The following SGCZ variants were observed in gnomAD, a reference collection of about 807,000 sequenced individuals.
SGCZ encodes zeta-sarcoglycan.
Under a neutral mutation model 41.3 loss-of-function variants are expected in SGCZ, and 40 were observed. The ratio of observed to expected loss-of-function variants is 0.97; its 90% confidence interval spans 0.75 to 1.26. The LOEUF (loss-of-function observed/expected upper bound fraction) is 1.26, where lower values mean the gene tolerates loss of function less well. Among genes scored for constraint, SGCZ ranks in the 50% most tolerant of loss-of-function variants. SGCZ has a pLI of 0.00. For synonymous variants in SGCZ, 206 were observed against 137.5 expected, an observed-to-expected ratio of 1.50 and a Z score of -3.49; for missense variants, 552 against 369.8, an observed-to-expected ratio of 1.49 and a Z score of -4.04.
At chr8:14,517,799 T>G (rs187250736) in intron 2 of SGCZ, among the ~76,000 whole-genome samples, 5 of 151,984 alleles carry the variant, frequency 3.3e-5, no homozygotes, top group Admixed American at 2.6e-4. Context: ...TAGCTTTTTT[T>G]GAAAAGTCAT....
At chr8:14,763,543 G>A (rs971383) in intron 1 of SGCZ, among the ~76,000 whole-genome samples, 34,911 of 151,862 alleles carry the variant, frequency 0.23, 5,741 homozygotes, top group African/African-American at 0.47. Flanking sequence ...CTTTATTATC[G>A]AAAGTGTCTT....
chr8:14,500,767 G>C (rs924307000), intron 2 of SGCZ, among the ~76,000 whole-genome samples: 19 of 151,906 alleles, frequency 1.3e-4, no homozygotes, highest in Non-Finnish European at 2.4e-4. Context: ...TGCCTTACTT[G>C]TTAAAAATTA....
chr8:14,184,350 C>T (rs1804832100), intron 4 of SGCZ, among the ~76,000 whole-genome samples: 1 of 152,036 alleles, frequency 6.6e-6, no homozygotes, highest in Non-Finnish European at 1.5e-5. Flanking sequence ...AACCAAGAAG[C>T]ATTAATTTAT....
At chr8:14,111,189 G>C (rs1177546719) in intron 5 of SGCZ, among the ~76,000 whole-genome samples, 1 of 152,112 alleles carries the variant, frequency 6.6e-6, no homozygotes, top group Non-Finnish European at 1.5e-5. Flanking sequence ...GAGCTCATTT[G>C]AATTTCAGAT....
At chr8:15,067,154 A>G (rs1805181952) in intron 1 of SGCZ, among the ~76,000 whole-genome samples, 1 of 152,154 alleles carries the variant, frequency 6.6e-6, no homozygotes, top group South Asian at 2.1e-4. Context: ...CCAATTTTGT[A>G]TAATCTCCAG....
chr8:14,719,616 A>G (rs961634127), intron 1 of SGCZ, among the ~76,000 whole-genome samples: 1 of 151,918 alleles, frequency 6.6e-6, no homozygotes, highest in Admixed American at 6.6e-5. Flanking sequence ...GATGGTGAGC[A>G]TTTTTTCATG....
At chr8:15,123,377 A>G (rs1157590518) in intron 1 of SGCZ, among the ~76,000 whole-genome samples, 14 of 152,068 alleles carry the variant, frequency 9.2e-5, no homozygotes, top group Admixed American at 8.5e-4. Flanking sequence ...TTTCTTTCAT[A>G]TCTCTTGCAT....
At chr8:14,977,924 CATAT>C (rs148245364) in intron 1 of SGCZ, among the ~76,000 whole-genome samples, 5,540 of 151,442 alleles carry the variant, frequency 0.037, 333 homozygotes, top group African/African-American at 0.13. Context: ...TATACACACA[CATAT>C]ATATCTAAAT....
chr8:14,456,346 T>G (rs1800744265), intron 2 of SGCZ, among the ~76,000 whole-genome samples: 1 of 152,122 alleles, frequency 6.6e-6, no homozygotes, highest in South Asian at 2.1e-4. Flanking sequence ...AGGCAGAGGT[T>G]GCAGAGAGCC....
chr8:14,949,878 A>G (rs938709261), intron 1 of SGCZ, among the ~76,000 whole-genome samples: 12 of 152,122 alleles, frequency 7.9e-5, no homozygotes, highest in Non-Finnish European at 1.2e-4. Flanking sequence ...AAAGTATAAA[A>G]GAGTTTGGCA....
chr8:14,360,565 A>G (rs1803474695), intron 2 of SGCZ, among the ~76,000 whole-genome samples: 1 of 152,076 alleles, frequency 6.6e-6, no homozygotes, highest in African/African-American at 2.4e-5. Context: ...ACTTCAGGTG[A>G]TCTGCCTGCC....
intron 5 of SGCZ, among the ~76,000 whole-genome samples, chr8:14,137,805 A>T (rs1184849524): frequency 6.6e-6 from 1 of 152,218 alleles, no homozygotes; most frequent in Non-Finnish European, 1.5e-5. Context: ...GCAGACCAAC[A>T]TTGAAATTCA....
At chr8:15,168,016 C>A (rs1799715237) in intron 1 of SGCZ, among the ~76,000 whole-genome samples, 1 of 152,206 alleles carries the variant, frequency 6.6e-6, no homozygotes, top group Admixed American at 6.5e-5. Context: ...ACACCCAAAT[C>A]TTTGCAGCAT....
intron 1 of SGCZ, among the ~76,000 whole-genome samples, chr8:14,718,169 C>G (rs533397565): frequency 6.6e-6 from 1 of 151,836 alleles, no homozygotes; most frequent in South Asian, 2.1e-4. Context: ...CACACACACA[C>G]ACACAAACAC....
intron 1 of SGCZ, among the ~76,000 whole-genome samples, chr8:14,836,470 C>T (rs966025333): frequency 6.6e-6 from 1 of 152,034 alleles, no homozygotes; most frequent in South Asian, 2.1e-4. Flanking sequence ...AGTCTGTCGC[C>T]CTCCCTCTCT....
chr8:14,533,531 G>T (rs1048953509), intron 2 of SGCZ, among the ~76,000 whole-genome samples: 2 of 151,872 alleles, frequency 1.3e-5, no homozygotes, highest in African/African-American at 4.8e-5. Context: ...AGAACATTTA[G>T]ATATATTCTA....
At chr8:14,421,214 G>C (rs1563318234) in intron 2 of SGCZ, among the ~76,000 whole-genome samples, 1 of 152,018 alleles carries the variant, frequency 6.6e-6, no homozygotes, top group African/African-American at 2.4e-5. Flanking sequence ...AAAAAGGTAA[G>C]GGGCTATTGA....
intron 2 of SGCZ, among the ~76,000 whole-genome samples, chr8:14,433,134 G>A (rs868260397): frequency 6.6e-6 from 1 of 152,098 alleles, no homozygotes; most frequent in East Asian, 1.9e-4. Flanking sequence ...TAAAATTGCA[G>A]TTATTCTTAT....
At chr8:14,305,552 A>G (rs1423094341) in intron 3 of SGCZ, among the ~76,000 whole-genome samples, 1 of 152,160 alleles carries the variant, frequency 6.6e-6, no homozygotes, top group African/African-American at 2.4e-5. Flanking sequence ...TAACTAACAA[A>G]TGTTCACTCC....
Sources: allele counts gnomAD v4.1 joint callset (sites outside exome capture counted in the v4.1 genomes callset), GRCh38; gene constraint gnomAD v4.1.1; transcripts MANE v1.5; gene names NCBI Gene and HGNC (gene_info 2026-07-23, HGNC 2026-07-21).